The following TRIM46 variants were observed in gnomAD, a reference collection of about 807,000 sequenced individuals.
The protein encoded by TRIM46 is tripartite motif-containing protein 46.
A neutral mutation model predicts 69.7 loss-of-function variants in TRIM46; 17 were observed. The observed-to-expected ratio is 0.24, with a 90% CI of 0.17 to 0.37. The LOEUF is 0.37. Ranked by LOEUF, TRIM46 falls within the 10% of genes least tolerant of loss-of-function variation. The probability of loss-of-function intolerance (pLI) is 1.00; values close to 1 mark genes in which losing one functional copy is unlikely to be tolerated. For synonymous variants in TRIM46, 391 were observed against 429.0 expected (o/e 0.91, Z 1.09); for missense variants, 675 against 1,025.1 (o/e 0.66, Z 4.66).
intron 6 of TRIM46, 63 bp downstream of exon 6, chr1:155,178,318 C>A (rs1665850955): frequency 1.9e-6 from 3 of 1,559,294 alleles, no homozygotes; most frequent in Non-Finnish European, 2.6e-6. Context: ...ACATCTAGGA[C>A]AATGTCTACA....
chr1:155,176,469 G>A (rs1665661522), intron 3 of TRIM46, among the ~76,000 whole-genome samples: 2 of 152,184 alleles, frequency 1.3e-5, no homozygotes, highest in Non-Finnish European at 1.5e-5. Flanking sequence ...ATACCTAAAG[G>A]GTTGCTGAGA....
Position 155,175,485 on chromosome 1 carries a change from G to T in TRIM46, c.163G>T (p.Ala55Ser). 2 of 1,614,152 alleles carry T rather than the reference G, an allele frequency of 1.2e-6. No individual in the cohort carries two copies. The highest frequency in any genetic ancestry group is 8.5e-7 in the Non-Finnish European group (1 of 1,179,998). The part of the protein sequence containing the change: ...VLPCTHNVCQ[A>S]CAREVLGQQG... ...GCCCTGTACCCACAACGTGTGCCAG[G>T]CCTGTGCCCGAGAGGTCTTGGGCCA... The change falls in exon 2 of 10, where the codon GCC becomes TCC. Residue 55 changes from alanine to serine, a missense_variant. By Grantham distance (99) the Ala-to-Ser change is moderately conservative. This residue lies in a region of TRIM46 where 170 missense variants were observed against 255.6 expected (regional missense o/e 0.67). Coordinates refer to ENST00000334634, the MANE Select transcript of TRIM46 (RefSeq NM_025058.5). This position sits in a 1 kb window ranked among gnomAD's most constrained non-coding sequence, Gnocchi z 4.2.
At position 155,184,031 on chromosome 1, in the gene TRIM46, TG is replaced by T; in HGVS notation, c.2122del (p.Val708PhefsTer106). 1 of 1,614,152 alleles carries T rather than the reference TG, an allele frequency of 6.2e-7. No homozygotes were observed. The highest frequency in any genetic ancestry group is 8.5e-7 in the Non-Finnish European group (1 of 1,180,024). The stretch of plus-strand genomic sequence containing the variant: ...GGGGCCGGGTTTCCTTCCTGGATGC[TG>T]TTTCCTTCCGTGGGCTCTTGGAGTG... ...ERGRVSFLDA[V>X]SFRGLLECPL... On this transcript the variant is annotated frameshift_variant, in exon 10 of 10. Transcript: ENST00000334634. LOFTEE classifies it high-confidence loss of function. The surrounding 1 kb of genome is among the most constrained non-coding windows in gnomAD (Gnocchi z 5.6).
chr1:155,175,691 T>C lies in TRIM46; in HGVS notation c.325+44T>C, dbSNP rs758079227. On this transcript the variant is annotated intron_variant, in intron 2 of 9. Coordinates refer to ENST00000334634, the MANE Select transcript of TRIM46 (RefSeq NM_025058.5). The surrounding 1 kb of genome is among the most constrained non-coding windows in gnomAD (Gnocchi z 4.2). Reference sequence around the variant, plus strand: ...GGGTGGGGATGGGAACGCTGAGCTATTCATCAGGAAGATGGAAGAAGTCCA... The same window carrying C: ...GGGTGGGGATGGGAACGCTGAGCTACTCATCAGGAAGATGGAAGAAGTCCA... 6.2e-7 allele frequency: 1 copy of C among 1,611,786 alleles called. No individual in the cohort carries two copies. The highest frequency in any genetic ancestry group is 1.1e-5 in the South Asian group (1 of 91,052).
At chr1:155,174,421 A>C in intron 1 of TRIM46, 1 of 717,332 alleles carries the variant, frequency 1.4e-6, no homozygotes, top group Non-Finnish European at 1.7e-6. Context: ...GCCGCCCCAC[A>C]GTGCAGTTCC....
intron 7 of TRIM46, chr1:155,178,973 G>C: frequency 1.6e-6 from 1 of 631,848 alleles, no homozygotes; most frequent in Non-Finnish European, 2.5e-6. Flanking sequence ...CCGACCTCGT[G>C]GTCCTCCCAC....
chr1:155,184,192 C>T lies in TRIM46; in HGVS notation c.*2C>T, dbSNP rs144445306. 8 of 1,593,650 alleles carry T rather than the reference C, an allele frequency of 5.0e-6. No homozygotes were observed. The highest frequency in any genetic ancestry group is 1.7e-5 in the Admixed American group (1 of 57,834). On this transcript the variant is annotated 3_prime_UTR_variant, in exon 10 of 10. Coordinates refer to ENST00000334634, the MANE Select transcript of TRIM46 (RefSeq NM_025058.5). The surrounding 1 kb of genome is among the most constrained non-coding windows in gnomAD (Gnocchi z 5.6). ...GGGGGCTTCGCCAAGCTGGACTGAG[C>T]CTTCCAGGCCCCTCATGCAGACCTG...
At position 155,177,956 on chromosome 1, in the gene TRIM46, AG is replaced by A. The variant is rs1173573339; in HGVS notation, c.910-45del. On this transcript the variant is annotated intron_variant, in intron 5 of 9. Transcript: ENST00000334634. ...GCCAGCACAAGTGCTGCCTCCAAAA[AG>A]AAGATAGTAAGTCACGCATCCTTTG... The A allele has an allele frequency of 3.8e-6, 6 of 1,592,356 alleles. No homozygotes were observed. In the African/African-American group the frequency reaches 8.1e-5, roughly 21 times the overall value.
intron 8 of TRIM46, 79 bp downstream of exon 8, chr1:155,180,013 GC>G (rs34725514): frequency 6.9e-7 from 1 of 1,459,354 alleles, no homozygotes; most frequent in Admixed American, 2.4e-5. Context: ...GGTTCCGGTG[GC>G]CGCTAGAGAG....
Position 155,176,207 on chromosome 1 carries a change from G to A in TRIM46, c.645G>A (p.Leu215=), listed in dbSNP as rs1665639205. 6.2e-7 allele frequency: 1 copy of A among 1,607,754 alleles called. No homozygotes were observed. Among genetic ancestry groups the A allele is most frequent in the East Asian group, 2.2e-5 (1 of 44,838 alleles). Reference sequence around the variant, plus strand: ...AGAAGGCCCAGCATGAGCCCACCCTGCCTACCCTCTCCTTCCGACCCAAGG... The same window carrying A: ...AGAAGGCCCAGCATGAGCCCACCCTACCTACCCTCTCCTTCCGACCCAAGG... ...GTQKAQHEPT[L]PTLSFRPKGL... is the part of the protein sequence containing the mutation. The change falls in exon 3 of 10, where the codon CTG becomes CTA. Residue 215 remains leucine (L), a synonymous_variant. Coordinates refer to ENST00000334634, the MANE Select transcript of TRIM46 (RefSeq NM_025058.5).
At chr1:155,177,532 A>G (rs1665772580) in intron 5 of TRIM46, among the ~76,000 whole-genome samples, 1 of 151,546 alleles carries the variant, frequency 6.6e-6, no homozygotes, top group East Asian at 1.9e-4. Context: ...TGCATAGCTC[A>G]AAAAACCCCA....
In TRIM46 at chr1:155,177,077, T is replaced by C. The variant is rs776193984; in HGVS notation, c.813+2T>C. ...CTCAGTGCCTACCAGGCCCTCAAGG[T>C]AAGGACCCCCCTTATCCAACCCTAG... On this transcript the variant is annotated splice_donor_variant, in intron 4 of 9. Coordinates refer to ENST00000334634, the MANE Select transcript of TRIM46 (RefSeq NM_025058.5). LOFTEE classifies it high-confidence loss of function. The C allele has an allele frequency of 3.7e-6, 6 of 1,612,250 alleles. No individual in the cohort carries two copies. In the African/African-American group the frequency reaches 6.7e-5, roughly 18 times the overall value.
At position 155,176,113 on chromosome 1, in the gene TRIM46, AG is replaced by A; in HGVS notation, c.554del (p.Gly185AlafsTer50). 6.2e-7 allele frequency: 1 copy of A among 1,614,158 alleles called. No individual in the cohort carries two copies. Among genetic ancestry groups the A allele is most frequent in the Non-Finnish European group, 8.5e-7 (1 of 1,180,020 alleles). ...AAGCCCCCACCACTAGAGGCCACCA[AG>A]GGCTGCACAGAGTGCCGCGCCACCT... ...LCKPPPLEAT[K>X]GCTECRATFC... On this transcript the variant is annotated frameshift_variant, in exon 3 of 10. Coordinates refer to ENST00000334634, the MANE Select transcript of TRIM46 (RefSeq NM_025058.5). LOFTEE classifies it high-confidence loss of function.
At position 155,175,849 on chromosome 1, in the gene TRIM46, G is replaced by C. The variant is rs201120340; in HGVS notation, c.326-39G>C. Reference sequence around the variant, plus strand: ...CAGGCTTCCCCACACCCAGCCAGCTGTAACTCTCATGTCCTCTACCTCCCT... The same window carrying C: ...CAGGCTTCCCCACACCCAGCCAGCTCTAACTCTCATGTCCTCTACCTCCCT... On this transcript the variant is annotated intron_variant, in intron 2 of 9. Coordinates refer to ENST00000334634, the MANE Select transcript of TRIM46 (RefSeq NM_025058.5). The surrounding 1 kb of genome is among the most constrained non-coding windows in gnomAD (Gnocchi z 4.2). 27 of 1,585,870 alleles carry C rather than the reference G, an allele frequency of 1.7e-5. No individual in the cohort carries two copies. In the East Asian group the frequency reaches 5.4e-4, roughly 32 times the overall value.
chr1:155,175,745 T>C lies in TRIM46; in HGVS notation c.325+98T>C, dbSNP rs759565717. 8 of 1,600,690 alleles carry C rather than the reference T, an allele frequency of 5.0e-6. No homozygotes were observed. The South Asian group carries it at 8.8e-5, about 18-fold the overall frequency. ...CTGGTCAGAGGCATCTGTCTGTCTT[T>C]CTGGGGGGTGGAGATACTGCTTACG... On this transcript the variant is annotated intron_variant, in intron 2 of 9. Coordinates refer to ENST00000334634, the MANE Select transcript of TRIM46 (RefSeq NM_025058.5). The surrounding 1 kb of genome is among the most constrained non-coding windows in gnomAD (Gnocchi z 4.2).
At position 155,176,058 on chromosome 1, in the gene TRIM46, G is replaced by A; in HGVS notation, c.496G>A (p.Val166Met). 3.7e-6 allele frequency: 6 copies of A among 1,614,160 alleles called. No individual in the cohort carries two copies. The highest frequency in any genetic ancestry group is 5.1e-6 in the Non-Finnish European group (6 of 1,180,006). The change falls in exon 3 of 10, where the codon GTG (valine) becomes ATG (methionine). Residue 166 changes from valine to methionine, a missense_variant. By Grantham distance (21) the Val-to-Met change is conservative (BLOSUM62 1). Transcript: ENST00000334634. ...VVERYRQSVS[V>M]GGAILCQLCK... Reference sequence around the variant, plus strand: ...GGAGCGGTACCGCCAGAGTGTGAGTGTGGGAGGTGCCATCCTGTGCCAGTT... The same window carrying A: ...GGAGCGGTACCGCCAGAGTGTGAGTATGGGAGGTGCCATCCTGTGCCAGTT...
intron 7 of TRIM46, chr1:155,178,828 C>G (rs1428539504): frequency 6.8e-7 from 1 of 1,469,210 alleles, no homozygotes; most frequent in African/African-American, 1.4e-5. Context: ...ACCGCGGACT[C>G]TGCTCCGGAG....
At chr1:155,179,502 C>T in intron 7 of TRIM46, 130 bp from the exon 8 acceptor site, 1 of 793,428 alleles carries the variant, frequency 1.3e-6, no homozygotes, top group Non-Finnish European at 2.0e-6. Context: ...CAGATGAGCC[C>T]TTCCCCAGCT....
rs1263913121 is a variant in TRIM46 at position 155,174,544 on chromosome 1, C to T, written c.63+515C>T. The T allele has an allele frequency of 3.4e-6, 5 of 1,471,410 alleles. No individual in the cohort carries two copies. The South Asian group carries it at 5.5e-5, about 16-fold the overall frequency. 91.1% of individuals were successfully genotyped at this position (1,471,410 alleles called of 1,614,324 possible). On this transcript the variant is annotated intron_variant, in intron 1 of 9. Transcript: ENST00000334634. ...TGGCTCTCCCAGGGGCGGTGCCAAC[C>T]GTGTTCCCCCCCACCACTTCCTCCC...
Sources: allele counts gnomAD v4.1 joint callset (sites outside exome capture counted in the v4.1 genomes callset), GRCh38; gene constraint gnomAD v4.1.1; regional missense constraint gnomAD v4.1.1; non-coding constraint Gnocchi (gnomAD v3.1); transcripts MANE v1.5; gene names NCBI Gene and HGNC (gene_info 2026-07-23, HGNC 2026-07-21).